ADD2: variants seen among roughly 807,000 people sequenced by gnomAD.
ADD2 encodes the protein beta-adducin.
A neutral mutation model predicts 83.0 loss-of-function variants in ADD2; 23 were observed. That is an observed-to-expected ratio of 0.28 (90% CI 0.20 to 0.39). The LOEUF (loss-of-function observed/expected upper bound fraction) is 0.39, where lower values mean the gene tolerates loss of function less well. Ranked by LOEUF, ADD2 falls within the 10% of genes least tolerant of loss-of-function variation. ADD2 has a pLI of 1.00. For missense variants in ADD2, 758 were observed against 944.9 expected (o/e 0.80, Z 2.59); for synonymous variants, 375 against 375.4 (o/e 1.00, Z 0.01).
intron 4 of ADD2, among the ~76,000 whole-genome samples, chr2:70,698,048 C>T (rs1408811420): frequency 6.6e-5 from 10 of 152,202 alleles, no homozygotes; most frequent in African/African-American, 2.4e-4. Flanking sequence ...TTGCCTCCTC[C>T]CCTCTGTGGG....
intron 1 of ADD2, among the ~76,000 whole-genome samples, chr2:70,719,241 G>C (rs1672615180): frequency 6.6e-6 from 1 of 152,176 alleles, no homozygotes; most frequent in African/African-American, 2.4e-5. Context: ...GCTTCATCTG[G>C]ACTCAATACA....
rs1170614546 is a variant in ADD2, at chr2:70,676,430, G to C, written c.1593+366C>G. On this transcript the variant is annotated intron_variant, in intron 13 of 15. Coordinates refer to ENST00000264436, the MANE Select transcript of ADD2 (RefSeq NM_001617.4). This position sits in a 1 kb window ranked among gnomAD's most constrained non-coding sequence, Gnocchi z 4.8. ...CAGAGGTCAGAGACTCTCAGGGCTG[G>C]GCACACCTGGGGCACCTGGGAGTCT... 8.2e-6 allele frequency: 10 copies of C among 1,215,660 alleles called. No homozygotes were observed. Among genetic ancestry groups the C allele is most frequent in the Non-Finnish European group, 1.0e-5 (10 of 972,474 alleles). The allele number at this position is 1,215,660 out of a possible 1,614,324, so 75.3% of individuals were successfully genotyped here.
chr2:70,759,786 A>G (rs1387691102), intron 1 of ADD2, among the ~76,000 whole-genome samples: 2 of 152,180 alleles, frequency 1.3e-5, no homozygotes, highest in Admixed American at 6.5e-5. Context: ...TTTTCTCTAT[A>G]AATTACCCAG....
Position 70,706,462 on chromosome 2 carries a change from G to A in ADD2, c.-34-20C>T. On this transcript the variant is annotated intron_variant, in intron 2 of 15. Transcript: ENST00000264436. This position sits in a 1 kb window ranked among gnomAD's most constrained non-coding sequence, Gnocchi z 5.0. ...GGAACTCTACAGAGAAGGGGAGAGGGTATGCGGTCAGGTTGGTGCTCCCCA... is the reference window on the plus strand; with the variant it reads ...GGAACTCTACAGAGAAGGGGAGAGGATATGCGGTCAGGTTGGTGCTCCCCA... The A allele has an allele frequency of 6.4e-7, 1 of 1,554,580 alleles. No individual in the cohort carries two copies. Among genetic ancestry groups the A allele is most frequent in the Non-Finnish European group, 8.7e-7 (1 of 1,152,512 alleles).
At chr2:70,704,272 C>CCCCCCA in intron 4 of ADD2, 49 bp downstream of exon 4, 2 of 1,317,484 alleles carry the variant, frequency 1.5e-6, no homozygotes, top group East Asian at 2.7e-5. Context: ...TTCCCCACCC[C>CCCCCCA]ACCCTCCCCT....
chr2:70,692,728 GCA>G lies in ADD2; in HGVS notation c.556-178_556-177del, dbSNP rs1671109273. On this transcript the variant is annotated intron_variant, in intron 6 of 15. Transcript: ENST00000264436. ...AAACCAGTTCCTGCCCTCAGTGAGT[GCA>G]CAGTCTAACGGGACACAGACGATTA... Among the ~76,000 whole-genome samples the G allele has an allele frequency of 1.4e-5, 2 of 140,254 alleles. 1 individual carries two copies. Among genetic ancestry groups the G allele is most frequent in the South Asian group, 4.6e-4 (2 of 4,308 alleles). The allele number at this position is 140,254 out of a possible 152,430, so 92.0% of individuals were successfully genotyped here.
chr2:70,671,553 C>G (rs1442845063), intron 15 of ADD2, among the ~76,000 whole-genome samples: 2 of 152,146 alleles, frequency 1.3e-5, no homozygotes, highest in African/African-American at 4.8e-5. Context: ...AGTAAACAGC[C>G]TCTCTATACT....
intron 10 of ADD2, 65 bp from the exon 11 acceptor site, chr2:70,679,026 G>GCA: frequency 1.3e-5 from 20 of 1,505,308 alleles, no homozygotes; most frequent in Non-Finnish European, 1.8e-5. Context: ...GCACATACAT[G>GCA]CACACACACC....
At chr2:70,739,818 G>A (rs1247746056) in intron 1 of ADD2, among the ~76,000 whole-genome samples, 2 of 152,196 alleles carry the variant, frequency 1.3e-5, no homozygotes, top group East Asian at 1.9e-4. Flanking sequence ...GGAGCTACAG[G>A]ATGAGAACAC....
At chr2:70,684,764 A>G (rs1362471946) in intron 9 of ADD2, among the ~76,000 whole-genome samples, 2 of 152,218 alleles carry the variant, frequency 1.3e-5, no homozygotes, top group Admixed American at 6.5e-5. Context: ...GTTCCCACAC[A>G]TGGACTTAGA....
intron 10 of ADD2, among the ~76,000 whole-genome samples, 155 bp from the exon 11 acceptor site, chr2:70,679,116 A>G (rs1670329880): frequency 6.6e-6 from 1 of 152,210 alleles, no homozygotes; most frequent in South Asian, 2.1e-4. Context: ...CTCTTCTGGT[A>G]TATTTCAGAA....
rs556982877 is a variant in ADD2 at position 70,699,772 on chromosome 2, C to T, written c.323-3376G>A. On this transcript the variant is annotated intron_variant, in intron 4 of 15. Transcript: ENST00000264436. Reference sequence around the variant, plus strand: ...TCCAGCCTAGGAGACAGGGCAAGATCCTGTCTCAAAAACAAAACAAAAAAA... The same window carrying T: ...TCCAGCCTAGGAGACAGGGCAAGATTCTGTCTCAAAAACAAAACAAAAAAA... Among the ~76,000 whole-genome samples the T allele has an allele frequency of 5.9e-5, 9 of 151,944 alleles. No homozygotes were observed. The East Asian group carries it at 1.5e-3, about 26-fold the overall frequency.
At chr2:70,699,412 CAA>C (rs1172817987) in intron 4 of ADD2, among the ~76,000 whole-genome samples, 6 of 151,882 alleles carry the variant, frequency 4.0e-5, no homozygotes, top group Non-Finnish European at 8.8e-5. Flanking sequence ...AAAAAGGAAC[CAA>C]AAAAATTGGC....
chr2:70,697,987 C>T (rs1671395773), intron 4 of ADD2, among the ~76,000 whole-genome samples: 1 of 152,184 alleles, frequency 6.6e-6, no homozygotes. Flanking sequence ...CCAAGGACAA[C>T]AACAAACTTC....
At chr2:70,765,990 A>C (rs1420139473) in intron 1 of ADD2, among the ~76,000 whole-genome samples, 1 of 152,198 alleles carries the variant, frequency 6.6e-6, no homozygotes, top group African/African-American at 2.4e-5. Context: ...GCCAGCAAAC[A>C]CATTTGCTCA....
At chr2:70,761,634 T>C (rs1328527752) in intron 1 of ADD2, among the ~76,000 whole-genome samples, 7 of 145,438 alleles carry the variant, frequency 4.8e-5, no homozygotes, top group Non-Finnish European at 7.5e-5. Flanking sequence ...AATTAAAGTA[T>C]ACTAAATCTC....
chr2:70,677,997 T>C, intron 11 of ADD2, 120 bp from the exon 12 acceptor site: 1 of 1,336,722 alleles, frequency 7.5e-7, no homozygotes, highest in Non-Finnish European at 1.0e-6. Context: ...AGCCTACTCA[T>C]AGACACTCTC....
chr2:70,672,402 G>T (rs782750216), intron 15 of ADD2, among the ~76,000 whole-genome samples: 1 of 152,206 alleles, frequency 6.6e-6, no homozygotes, highest in Non-Finnish European at 1.5e-5. Flanking sequence ...TGGGATCCAA[G>T]AATCAAGACG....
intron 4 of ADD2, among the ~76,000 whole-genome samples, chr2:70,703,242 GAGAA>G (rs1553373765): frequency 1.3e-5 from 2 of 151,964 alleles, no homozygotes; most frequent in African/African-American, 4.8e-5. Flanking sequence ...GAAAGAGAGA[GAGAA>G]AGGAAGAAAA....
Sources: allele counts gnomAD v4.1 joint callset (sites outside exome capture counted in the v4.1 genomes callset), GRCh38; gene constraint gnomAD v4.1.1; non-coding constraint Gnocchi (gnomAD v3.1); transcripts MANE v1.5; gene names NCBI Gene and HGNC (gene_info 2026-07-23, HGNC 2026-07-21).